Variants in APBB2 observed in about 807,000 individuals in gnomAD.
The protein encoded by APBB2 is amyloid beta precursor protein binding family B member 2.
In APBB2, 38 loss-of-function variants were observed where a neutral mutation model predicts 82.5. The ratio of observed to expected loss-of-function variants is 0.46; its 90% confidence interval spans 0.36 to 0.60. APBB2 has a LOEUF of 0.60. Ranked by LOEUF, APBB2 falls within the 20% of genes least tolerant of loss-of-function variation. The pLI, the probability that APBB2 is intolerant of heterozygous loss-of-function variation, is 0.00. For missense variants in APBB2, 772 were observed against 972.3 expected (o/e 0.79, Z 2.74); for synonymous variants, 341 against 368.2 (o/e 0.93, Z 0.85).
chr4:40,904,471 T>A (rs1046546480), intron 10 of APBB2, among the ~76,000 whole-genome samples: 1 of 139,556 alleles, frequency 7.2e-6, no homozygotes, highest in Middle Eastern at 3.9e-3. Context: ...AAATAAATAA[T>A]AAGGCAGCCA....
intron 3 of APBB2, among the ~76,000 whole-genome samples, chr4:41,071,822 T>G (rs1734011173): frequency 6.6e-6 from 1 of 152,258 alleles, no homozygotes; most frequent in Non-Finnish European, 1.5e-5. Flanking sequence ...TAATTTTTTT[T>G]TCTAAAAGGT....
At chr4:41,166,872 G>A (rs1766801412) in intron 1 of APBB2, among the ~76,000 whole-genome samples, 1 of 152,198 alleles carries the variant, frequency 6.6e-6, no homozygotes, top group Non-Finnish European at 1.5e-5. Context: ...ACTCCAGCCT[G>A]AGCAGAAAAA....
Position 40,894,756 on chromosome 4 carries a change from T to G in APBB2, c.1255-1345A>C, listed in dbSNP as rs189066865. Among the ~76,000 whole-genome samples, 29 of 152,356 alleles carry G rather than the reference T, an allele frequency of 1.9e-4. 1 individual carries two copies. The highest frequency in any genetic ancestry group is 1.8e-3 in the Admixed American group (27 of 15,296). On this transcript the variant is annotated intron_variant, in intron 10 of 17. Transcript: ENST00000508593. ...TCCCTTTAATTAAAAAAGTTCTATA[T>G]GCTGTTTATTATAACAAGTAAAAAA...
At chr4:41,119,522 T>TA (rs35952366) in intron 2 of APBB2, among the ~76,000 whole-genome samples, 27,459 of 117,914 alleles carry the variant, frequency 0.23, 3,351 homozygotes, top group African/African-American at 0.34. Flanking sequence ...GAAGTTCCAT[T>TA]AAAAAAAAAA....
intron 17 of APBB2, 94 bp downstream of exon 17, chr4:40,821,777 T>C: frequency 6.9e-7 from 1 of 1,454,468 alleles, no homozygotes; most frequent in Non-Finnish European, 9.3e-7. Flanking sequence ...GATTCGACTT[T>C]TTTCATTTCC....
chr4:40,987,121 G>A (rs542452658), intron 6 of APBB2, among the ~76,000 whole-genome samples: 1 of 152,180 alleles, frequency 6.6e-6, no homozygotes, highest in South Asian at 2.1e-4. Context: ...TTATCCTTAA[G>A]AGAAGTAGTA....
chr4:40,879,899 A>T, intron 12 of APBB2: 3 of 490,588 alleles, frequency 6.1e-6, no homozygotes, highest in Non-Finnish European at 7.9e-6. Context: ...GCCATGTTGG[A>T]CAGGCTGGTC....
intron 3 of APBB2, among the ~76,000 whole-genome samples, chr4:41,070,847 C>T (rs952044078): frequency 8.2e-4 from 125 of 151,984 alleles, no homozygotes; most frequent in African/African-American, 2.9e-3. Flanking sequence ...ACGCTAAGAT[C>T]AAGATAAATA....
intron 1 of APBB2, among the ~76,000 whole-genome samples, chr4:41,175,208 G>A (rs943691661): frequency 2.6e-5 from 4 of 152,120 alleles, no homozygotes; most frequent in Admixed American, 2.6e-4. Flanking sequence ...AGTATATACA[G>A]AGGAATTTAA....
chr4:40,819,611 TA>T (rs1366966650), intron 17 of APBB2, among the ~76,000 whole-genome samples: 3 of 151,490 alleles, frequency 2.0e-5, no homozygotes, highest in East Asian at 1.9e-4. Context: ...TCCCATCTCT[TA>T]AAAAAAATAA....
At chr4:41,047,737 T>A (rs1032834887) in intron 4 of APBB2, among the ~76,000 whole-genome samples, 2 of 152,296 alleles carry the variant, frequency 1.3e-5, no homozygotes, top group African/African-American at 4.8e-5. Flanking sequence ...TTCCAGGAAG[T>A]AGAAAGTGGG....
chr4:41,187,318 T>C lies in APBB2; in HGVS notation c.-417+27087A>G, dbSNP rs143515291. 7.4e-3 allele frequency among the ~76,000 whole-genome samples: 1,126 copies of C among 152,318 alleles called. 11 individuals carry two copies. The highest frequency in any genetic ancestry group is 0.025 in the African/African-American group (1,055 of 41,572). On this transcript the variant is annotated intron_variant, in intron 1 of 17. Transcript: ENST00000508593. ...CTGCTGTGTTTCCTACTAAAAACCA[T>C]GCCATTTTTATAACATGAAAAAAGA...
At chr4:40,827,260 C>G (rs1274448382) in intron 13 of APBB2, 41 bp from the exon 14 acceptor site, 10 of 1,558,034 alleles carry the variant, frequency 6.4e-6, no homozygotes, top group Non-Finnish European at 8.9e-6. Context: ...TGGGTTCAAG[C>G]CCCCATGTCT....
At chr4:40,853,097 C>T (rs1038846275) in intron 12 of APBB2, among the ~76,000 whole-genome samples, 2 of 152,200 alleles carry the variant, frequency 1.3e-5, no homozygotes, top group Admixed American at 1.3e-4. Context: ...GATCACACCC[C>T]TTCCTGCATC....
chr4:40,890,596 C>T, intron 11 of APBB2, 105 bp from the exon 12 acceptor site: 2 of 1,451,002 alleles, frequency 1.4e-6, no homozygotes, highest in Middle Eastern at 1.8e-4. Context: ...GAAGAAGCCA[C>T]CCTGGGGTCT....
intron 12 of APBB2, among the ~76,000 whole-genome samples, chr4:40,858,696 T>C (rs1762061786): frequency 6.6e-6 from 1 of 152,188 alleles, no homozygotes; most frequent in South Asian, 2.1e-4. Flanking sequence ...TTCTCATTTG[T>C]TCAACATTTA....
intron 12 of APBB2, among the ~76,000 whole-genome samples, chr4:40,873,964 T>G (rs904244685): frequency 1.3e-5 from 2 of 152,246 alleles, no homozygotes; most frequent in Non-Finnish European, 2.9e-5. Flanking sequence ...TTTATCAAAA[T>G]TTATATCCTA....
At chr4:40,910,412 C>T (rs1291327761) in intron 10 of APBB2, among the ~76,000 whole-genome samples, 5 of 151,774 alleles carry the variant, frequency 3.3e-5, no homozygotes, top group African/African-American at 1.2e-4. Context: ...CTAATTTTTT[C>T]TTTTTTTGTA....
chr4:40,872,907 G>T (rs1165798812), intron 12 of APBB2, among the ~76,000 whole-genome samples: 2 of 151,838 alleles, frequency 1.3e-5, no homozygotes, highest in African/African-American at 4.8e-5. Flanking sequence ...CCAACATGGT[G>T]AATGCCCATC....
Sources: allele counts gnomAD v4.1 joint callset (sites outside exome capture counted in the v4.1 genomes callset), GRCh38; gene constraint gnomAD v4.1.1; transcripts MANE v1.5; gene names NCBI Gene and HGNC (gene_info 2026-07-23, HGNC 2026-07-21).